Variants in PALS1 observed in about 807,000 individuals in gnomAD.
The protein encoded by PALS1 is protein associated with LIN7 1, MAGUK p55 family member.
Under a neutral mutation model 78.9 loss-of-function variants are expected in PALS1, and 31 were observed. The ratio of observed to expected loss-of-function variants is 0.39; its 90% CI spans 0.30 to 0.53. The LOEUF (loss-of-function observed/expected upper bound fraction) is 0.53. Ranked by LOEUF, PALS1 falls within the 20% of genes least tolerant of loss-of-function variation. PALS1 has a pLI of 0.67. For synonymous variants in PALS1, 276 were observed against 270.9 expected (o/e 1.02, Z -0.18); for missense variants, 704 against 826.5 (o/e 0.85, Z 1.82).
intron 2 of PALS1, among the ~76,000 whole-genome samples, chr14:67,272,478 G>A (rs1465216067): frequency 1.3e-5 from 2 of 152,200 alleles, no homozygotes; most frequent in South Asian, 4.1e-4. Context: ...TGCTTGCAGT[G>A]TTGGCTGGCA....
chr14:67,316,959 C>T (rs1048472790), intron 10 of PALS1, 56 bp downstream of exon 10: 25 of 1,397,438 alleles, frequency 1.8e-5, no homozygotes, highest in Non-Finnish European at 2.5e-5. Context: ...CATCTGGAGC[C>T]ATGTGTGAAT....
intron 4 of PALS1, among the ~76,000 whole-genome samples, chr14:67,300,811 A>T (rs193261217): frequency 2.6e-5 from 4 of 152,252 alleles, no homozygotes; most frequent in Non-Finnish European, 4.4e-5. Flanking sequence ...CATTACACTC[A>T]TATAAATTCA....
At position 67,317,454 on chromosome 14, in the gene PALS1, T is replaced by C. The variant is rs781717796; in HGVS notation, c.1344T>C (p.Val448=). Residue 448 remains valine, a synonymous_variant, in exon 11 of 15, where the codon GTT becomes GTC. Transcript: ENST00000261681. ...AKKNKKKRKK[V]LYNANKNDDY... ...AGAATAAAAAGAAGAGGAAAAAGGTTTTATATAATGCCAATAAAAATGATG... is the reference window on the plus strand; with the variant it reads ...AGAATAAAAAGAAGAGGAAAAAGGTCTTATATAATGCCAATAAAAATGATG... 1.9e-5 allele frequency: 31 copies of C among 1,611,252 alleles called. No individual in the cohort carries two copies. Among genetic ancestry groups the C allele is most frequent in the East Asian group, 4.5e-5 (2 of 44,756 alleles).
intron 8 of PALS1, among the ~76,000 whole-genome samples, chr14:67,311,061 C>G (rs1421683390): frequency 6.6e-6 from 1 of 152,090 alleles, no homozygotes; most frequent in African/African-American, 2.4e-5. Flanking sequence ...TCTGTAATCC[C>G]AGCACTTTGG....
Position 67,279,021 on chromosome 14 carries a change from T to C in PALS1, c.-150T>C, listed in dbSNP as rs1490855577. The C allele has an allele frequency of 6.9e-6, 5 of 724,054 alleles. No individual in the cohort carries two copies. The East Asian group carries it at 1.5e-4, about 22-fold the overall frequency. The allele number at this position is 724,054 out of a possible 1,614,324, so 44.9% of individuals were successfully genotyped here. The stretch of plus-strand genomic sequence containing the variant: ...TCCCCCCCATCTTTCCCCTTAGATT[T>C]CCTTCATGGATACTTTTTCATAGCA... On this transcript the variant is annotated 5_prime_UTR_variant, in exon 3 of 15. Coordinates refer to ENST00000261681, the MANE Select transcript of PALS1 (RefSeq NM_022474.4).
At chr14:67,242,614 A>G (rs2083921508) in intron 1 of PALS1, among the ~76,000 whole-genome samples, 1 of 152,080 alleles carries the variant, frequency 6.6e-6, no homozygotes, top group Non-Finnish European at 1.5e-5. Flanking sequence ...GCTTCCTTGA[A>G]TTAAGAACTA....
chr14:67,321,421 C>T (rs1326368946), intron 13 of PALS1, among the ~76,000 whole-genome samples, 162 bp downstream of exon 13: 1 of 152,158 alleles, frequency 6.6e-6, no homozygotes, highest in Non-Finnish European at 1.5e-5. Flanking sequence ...GTTGCTAAAT[C>T]TCTTTCAGTT....
At chr14:67,308,070 G>A (rs531573353) in intron 8 of PALS1, among the ~76,000 whole-genome samples, 13 of 152,104 alleles carry the variant, frequency 8.5e-5, no homozygotes, top group African/African-American at 3.1e-4. Context: ...ACACACTAGG[G>A]TCTTTCAGAG....
chr14:67,255,624 T>C (rs2084133553), intron 1 of PALS1, among the ~76,000 whole-genome samples: 1 of 152,214 alleles, frequency 6.6e-6, no homozygotes, highest in South Asian at 2.1e-4. Flanking sequence ...GAGATAACAC[T>C]TCGATTACTT....
Position 67,308,983 on chromosome 14 carries a change from A to C in PALS1, c.1042-3544A>C, listed in dbSNP as rs141525534. On this transcript the variant is annotated intron_variant, in intron 8 of 14. Coordinates refer to ENST00000261681, the MANE Select transcript of PALS1 (RefSeq NM_022474.4). ...TCCCCATTTCATCATTACGACTTCAAATGTGAACAGCTTATAGATATTAAA... is the reference window on the plus strand; with the variant it reads ...TCCCCATTTCATCATTACGACTTCACATGTGAACAGCTTATAGATATTAAA... Among the ~76,000 whole-genome samples the C allele has an allele frequency of 3.6e-3, 543 of 152,240 alleles. 2 individuals carry two copies. The highest frequency in any genetic ancestry group is 5.6e-3 in the Non-Finnish European group (382 of 68,004).
At chr14:67,291,292 G>T (rs774013295) in intron 3 of PALS1, among the ~76,000 whole-genome samples, 30 of 148,234 alleles carry the variant, frequency 2.0e-4, no homozygotes, top group Non-Finnish European at 3.6e-4. Flanking sequence ...GCAATGGTGT[G>T]ATCTCGGCTC....
At chr14:67,316,475 T>C (rs2085177978) in intron 9 of PALS1, among the ~76,000 whole-genome samples, 1 of 152,204 alleles carries the variant, frequency 6.6e-6, no homozygotes. Context: ...AGAATTGATA[T>C]CCTTAATTTG....
intron 3 of PALS1, chr14:67,280,098 A>G (rs918551446): frequency 6.6e-6 from 1 of 152,258 alleles, no homozygotes; most frequent in African/African-American, 2.4e-5. Flanking sequence ...AACCAAAAGA[A>G]TTCTGTGACC....
At chr14:67,276,186 TAC>T (rs1268621126) in intron 2 of PALS1, among the ~76,000 whole-genome samples, 1 of 145,706 alleles carries the variant, frequency 6.9e-6, no homozygotes, top group East Asian at 2.3e-4. Flanking sequence ...TAATTATTCT[TAC>T]TATTTTCAGG....
chr14:67,307,521 G>A (rs1427573074), intron 8 of PALS1, among the ~76,000 whole-genome samples: 1 of 152,190 alleles, frequency 6.6e-6, no homozygotes, highest in Non-Finnish European at 1.5e-5. Flanking sequence ...AGGCACTACA[G>A]AGATAACTGT....
intron 1 of PALS1, among the ~76,000 whole-genome samples, chr14:67,246,553 CT>C (rs957359432): frequency 7.9e-5 from 12 of 151,802 alleles, no homozygotes; most frequent in African/African-American, 2.9e-4. Context: ...ATTGCCCAAG[CT>C]GGTCTTGAGC....
chr14:67,293,881 G>T (rs1195607075), intron 4 of PALS1, among the ~76,000 whole-genome samples: 1 of 152,046 alleles, frequency 6.6e-6, no homozygotes, highest in Admixed American at 6.6e-5. Flanking sequence ...TACAACAATG[G>T]GTGAAGAAGA....
chr14:67,313,033 T>C (rs1361482659), intron 9 of PALS1, among the ~76,000 whole-genome samples: 1 of 152,176 alleles, frequency 6.6e-6, no homozygotes, highest in African/African-American at 2.4e-5. Flanking sequence ...ATGACATTAA[T>C]TGGAGCATCA....
chr14:67,328,079 A>G (rs2085386755), intron 14 of PALS1, among the ~76,000 whole-genome samples: 1 of 152,158 alleles, frequency 6.6e-6, no homozygotes, highest in Non-Finnish European at 1.5e-5. Flanking sequence ...CAATGGTTGA[A>G]CTAGTTTACG....
Sources: allele counts gnomAD v4.1 joint callset (sites outside exome capture counted in the v4.1 genomes callset), GRCh38; gene constraint gnomAD v4.1.1; transcripts MANE v1.5; gene names NCBI Gene and HGNC (gene_info 2026-07-23, HGNC 2026-07-21).